The following GTF2B variants were observed in gnomAD, a reference collection of about 807,000 sequenced individuals.
The protein encoded by GTF2B is transcription initiation factor IIB.
GTF2B carries 20 observed loss-of-function variants against 34.6 expected under a neutral mutation model. That is an observed-to-expected ratio of 0.58 (90% confidence interval 0.41 to 0.84). The LOEUF is 0.84. Among genes scored for constraint, GTF2B ranks in the 40% least tolerant of loss-of-function variants. The pLI is 0.00. For missense variants in GTF2B, 237 were observed against 393.3 expected (o/e 0.60, Z 3.36); for synonymous variants, 142 against 132.4 (o/e 1.07, Z -0.50).
chr1:88,879,621 A>T (rs1354113504), intron 2 of GTF2B, among the ~76,000 whole-genome samples: 1 of 151,222 alleles, frequency 6.6e-6, no homozygotes. Context: ...GGGCTCTCTT[A>T]GTTGCTAACA....
intron 2 of GTF2B, among the ~76,000 whole-genome samples, chr1:88,882,335 A>C (rs1048054352): frequency 1.9e-4 from 28 of 150,254 alleles, no homozygotes; most frequent in Non-Finnish European, 2.7e-4. Context: ...AAAAAAAAAA[A>C]AACGCTACAG....
At position 88,860,125 on chromosome 1, in the gene GTF2B, T is replaced by C. The variant is rs371075012; in HGVS notation, c.405+15A>G. 98 of 1,613,822 alleles carry C rather than the reference T, an allele frequency of 6.1e-5. No homozygotes were observed. Among genetic ancestry groups the C allele is most frequent in the Non-Finnish European group, 7.8e-5 (92 of 1,179,856 alleles). On this transcript the variant is annotated intron_variant, in intron 4 of 6. Coordinates refer to ENST00000370500, the MANE Select transcript of GTF2B (RefSeq NM_001514.6). The stretch of plus-strand genomic sequence containing the variant: ...CAATGCCAGAATGGCTTAAAGGAGG[T>C]AGACAAGAACTTACAACTATATTTC...
At chr1:88,856,996 T>A (rs1045373195) in intron 6 of GTF2B, among the ~76,000 whole-genome samples, 3 of 152,164 alleles carry the variant, frequency 2.0e-5, no homozygotes, top group Non-Finnish European at 2.9e-5. Flanking sequence ...AGATGGGGTT[T>A]CACCATGTTG....
chr1:88,853,449 TAAAAAC>T (rs1012373426), intron 6 of GTF2B, 103 bp from the exon 7 acceptor site: 3 of 1,025,984 alleles, frequency 2.9e-6, no homozygotes, highest in Admixed American at 2.1e-5. Context: ...GTGCCAAACT[TAAAAAC>T]AAAACCAGAA....
At chr1:88,869,586 G>A (rs559728491) in intron 2 of GTF2B, among the ~76,000 whole-genome samples, 2 of 152,168 alleles carry the variant, frequency 1.3e-5, no homozygotes, top group African/African-American at 4.8e-5. Context: ...CAGTTCAGTG[G>A]CTATTGCTGG....
intron 5 of GTF2B, 27 bp from the exon 6 acceptor site, chr1:88,857,514 A>C: frequency 4.1e-6 from 5 of 1,225,968 alleles, no homozygotes; most frequent in African/African-American, 3.0e-5. Flanking sequence ...TAAATAAATC[A>C]ATTCACTTAA....
At chr1:88,866,665 C>T (rs1460173079) in intron 2 of GTF2B, among the ~76,000 whole-genome samples, 2 of 152,206 alleles carry the variant, frequency 1.3e-5, no homozygotes, top group African/African-American at 4.8e-5. Flanking sequence ...ACCTCGGCCT[C>T]CCCAAGTGCT....
intron 3 of GTF2B, among the ~76,000 whole-genome samples, chr1:88,861,807 G>A (rs1345660290): frequency 6.6e-6 from 1 of 152,144 alleles, no homozygotes; most frequent in East Asian, 1.9e-4. Flanking sequence ...ACTCTAGACT[G>A]GGTGACAGAA....
intron 6 of GTF2B, 53 bp downstream of exon 6, chr1:88,857,153 T>A: frequency 6.6e-7 from 1 of 1,504,392 alleles, no homozygotes; most frequent in South Asian, 1.3e-5. Context: ...GGAAAAACAA[T>A]CACATGCTGC....
intron 3 of GTF2B, 33 bp downstream of exon 3, chr1:88,863,948 C>A: frequency 6.2e-7 from 1 of 1,605,392 alleles, no homozygotes; most frequent in South Asian, 1.1e-5. Flanking sequence ...GGTCACTCTG[C>A]AATTGGTATT....
chr1:88,856,272 C>CAAAAAACAA (rs1673303138), intron 6 of GTF2B, among the ~76,000 whole-genome samples: 1 of 50,042 alleles, frequency 2.0e-5, no homozygotes, highest in African/African-American at 8.9e-5. Context: ...GTTTCAAAAA[C>CAAAAAACAA]AAAAAAAAAA....
intron 3 of GTF2B, among the ~76,000 whole-genome samples, chr1:88,860,909 T>C (rs1002468452): frequency 2.0e-5 from 3 of 152,204 alleles, no homozygotes; most frequent in African/African-American, 7.2e-5. Flanking sequence ...GCTACCATTT[T>C]GTAACACTGA....
At chr1:88,889,965 G>T (rs183100164) in intron 1 of GTF2B, among the ~76,000 whole-genome samples, 238 of 152,238 alleles carry the variant, frequency 1.6e-3, no homozygotes, top group African/African-American at 5.5e-3. Context: ...ACTTGAACTG[G>T]GGAGGTCATG....
intron 1 of GTF2B, chr1:88,888,086 T>C (rs755195586): frequency 6.6e-6 from 1 of 152,246 alleles, no homozygotes; most frequent in African/African-American, 2.4e-5. Context: ...AACAAAGATT[T>C]GATCATTATT....
intron 5 of GTF2B, among the ~76,000 whole-genome samples, chr1:88,858,251 G>A (rs1292447460): frequency 6.6e-6 from 1 of 152,150 alleles, no homozygotes; most frequent in Middle Eastern, 3.4e-3. Flanking sequence ...TACCTGCCTC[G>A]GCCTCACAAA....
intron 1 of GTF2B, among the ~76,000 whole-genome samples, chr1:88,891,129 G>GC (rs1476481768): frequency 2.1e-5 from 3 of 140,516 alleles, no homozygotes; most frequent in Non-Finnish European, 4.7e-5. Context: ...GCGGGGGGGG[G>GC]GGCGCGGGGG....
intron 2 of GTF2B, among the ~76,000 whole-genome samples, chr1:88,881,801 T>C (rs1000682673): frequency 2.0e-5 from 3 of 152,194 alleles, no homozygotes; most frequent in Non-Finnish European, 4.4e-5. Context: ...TGTTTGATAC[T>C]AGTAAGTCAA....
At chr1:88,878,500 T>C (rs1396889810) in intron 2 of GTF2B, among the ~76,000 whole-genome samples, 1 of 152,188 alleles carries the variant, frequency 6.6e-6, no homozygotes, top group Non-Finnish European at 1.5e-5. Context: ...AAATAATACA[T>C]AGCTATTTAA....
chr1:88,864,189 T>G, intron 2 of GTF2B, 75 bp from the exon 3 acceptor site: 1 of 1,336,270 alleles, frequency 7.5e-7, no homozygotes, highest in Non-Finnish European at 1.1e-6. Context: ...AATGCCCAAC[T>G]AAGCCATTTT....
Sources: allele counts gnomAD v4.1 joint callset (sites outside exome capture counted in the v4.1 genomes callset), GRCh38; gene constraint gnomAD v4.1.1; transcripts MANE v1.5; gene names NCBI Gene and HGNC (gene_info 2026-07-23, HGNC 2026-07-21).